The following STAM2 variants were observed in gnomAD, a reference collection of about 807,000 sequenced individuals.
STAM2 encodes signal transducing adaptor molecule 2.
STAM2 carries 51 observed loss-of-function variants against 65.6 expected under a neutral mutation model. The ratio of observed to expected loss-of-function variants is 0.78; its 90% confidence interval spans 0.62 to 0.98. STAM2 has a LOEUF of 0.98. STAM2 is among the 50% of genes least tolerant of loss of function. The pLI is 0.00. For missense variants in STAM2, 584 were observed against 617.8 expected (o/e 0.95, Z 0.58); for synonymous variants, 198 against 208.4 (o/e 0.95, Z 0.43).
intron 9 of STAM2, 34 bp from the exon 10 acceptor site, chr2:152,133,294 A>C: frequency 6.4e-7 from 1 of 1,559,228 alleles, no homozygotes; most frequent in Non-Finnish European, 8.8e-7. Flanking sequence ...TCAAAAACTC[A>C]AGAGTTTTAA....
intron 1 of STAM2, among the ~76,000 whole-genome samples, chr2:152,164,772 G>A (rs973661681): frequency 1.3e-5 from 2 of 152,158 alleles, no homozygotes; most frequent in African/African-American, 4.8e-5. Flanking sequence ...GGGGCGACTA[G>A]GAGGAGTTGA....
chr2:152,170,333 A>T (rs1689875702), intron 1 of STAM2, among the ~76,000 whole-genome samples: 1 of 151,870 alleles, frequency 6.6e-6, no homozygotes, highest in Admixed American at 6.6e-5. Context: ...ACAAAAAAAA[A>T]TTACCTGGGC....
chr2:152,133,080 TAG>T (rs1358039814), intron 10 of STAM2, 91 bp downstream of exon 10: 3 of 531,164 alleles, frequency 5.6e-6, no homozygotes, highest in Admixed American at 4.5e-5. Flanking sequence ...TTCTAACCTC[TAG>T]AGGCAAATAC....
intron 7 of STAM2, among the ~76,000 whole-genome samples, chr2:152,141,917 A>G (rs1231978571): frequency 1.3e-5 from 2 of 152,130 alleles, no homozygotes; most frequent in Non-Finnish European, 2.9e-5. Context: ...TGGAGATCCA[A>G]GAATGATATA....
chr2:152,167,285 T>C (rs1452264556), intron 1 of STAM2, among the ~76,000 whole-genome samples: 2 of 152,188 alleles, frequency 1.3e-5, no homozygotes, highest in African/African-American at 4.8e-5. Context: ...ACTGTAAATG[T>C]TCCACAAGGT....
At position 152,120,609 on chromosome 2, in the gene STAM2, G is replaced by C. The variant is rs760375468; in HGVS notation, c.1543C>G (p.Gln515Glu). ...VTVPAHPVAQQHTNYHQQPLL is the reference protein window; with the variant it reads ...VTVPAHPVAQEHTNYHQQPLL The stretch of plus-strand genomic sequence containing the variant: ...GGCTGCTGATGGTAATTTGTGTGCT[G>C]CTGTGCAACTGGATGAGCTGGAACT... The change falls in exon 14 of 14, where the codon CAG becomes GAG. Residue 515 changes from glutamine (Q) to glutamate (E), a missense_variant. By Grantham distance (29) the Gln-to-Glu change is conservative. Transcript: ENST00000263904. 3.5e-5 allele frequency: 56 copies of C among 1,613,972 alleles called. No homozygotes were observed. The highest frequency in any genetic ancestry group is 8.3e-5 in the Admixed American group (5 of 59,984).
intron 7 of STAM2, among the ~76,000 whole-genome samples, chr2:152,142,394 T>C (rs1471102182): frequency 6.6e-6 from 1 of 152,226 alleles, no homozygotes; most frequent in Non-Finnish European, 1.5e-5. Flanking sequence ...AACTTCATAG[T>C]TGTATAAGAG....
intron 5 of STAM2, among the ~76,000 whole-genome samples, chr2:152,146,456 C>T (rs947096247): frequency 2.6e-5 from 4 of 152,082 alleles, no homozygotes; most frequent in East Asian, 3.9e-4. Flanking sequence ...AACCAGCCCA[C>T]TCCATGAGTC....
Position 152,118,664 on chromosome 2 carries a change from A to G in STAM2, c.*1910T>C, listed in dbSNP as rs1688796378. On this transcript the variant is annotated 3_prime_UTR_variant, in exon 14 of 14. Coordinates refer to ENST00000263904, the MANE Select transcript of STAM2 (RefSeq NM_005843.6). ...AAAAAAAGTAAGAAATTCCATATAT[A>G]TGCAAATGTTGACTATTATCGAGAG... The G allele has an allele frequency of 6.6e-6, 1 of 151,746 alleles. No individual in the cohort carries two copies. The highest frequency in any genetic ancestry group is 1.5e-5 in the Non-Finnish European group (1 of 67,868). The allele number at this position is 151,746 out of a possible 1,614,324, so 9.4% of individuals were successfully genotyped here.
intron 2 of STAM2, 41 bp downstream of exon 2, chr2:152,150,104 C>A: frequency 7.4e-7 from 1 of 1,350,790 alleles, no homozygotes; most frequent in South Asian, 1.2e-5. Flanking sequence ...CACTGGTTAT[C>A]AAGTTCCTAG....
intron 1 of STAM2, among the ~76,000 whole-genome samples, chr2:152,160,574 C>G (rs1560222252): frequency 6.6e-6 from 1 of 151,714 alleles, no homozygotes. Context: ...CAGCCCCCGC[C>G]AGGCCAGCCG....
At chr2:152,137,709 CT>C (rs1689180773) in intron 7 of STAM2, among the ~76,000 whole-genome samples, 1 of 151,936 alleles carries the variant, frequency 6.6e-6, no homozygotes. Context: ...CTCCTATATA[CT>C]TAACTGTAGT....
chr2:152,163,011 A>G (rs1352190734), intron 1 of STAM2, among the ~76,000 whole-genome samples: 2 of 152,192 alleles, frequency 1.3e-5, no homozygotes, highest in Admixed American at 6.5e-5. Flanking sequence ...TAAGCAATAA[A>G]ATAGATTTCA....
intron 11 of STAM2, among the ~76,000 whole-genome samples, chr2:152,128,909 C>CT (rs1442323008): frequency 6.6e-6 from 1 of 151,954 alleles, no homozygotes; most frequent in Non-Finnish European, 1.5e-5. Flanking sequence ...ATGATCCATT[C>CT]AAGGGAAAAA....
intron 1 of STAM2, among the ~76,000 whole-genome samples, chr2:152,160,611 C>T (rs1689649394): frequency 6.7e-6 from 1 of 149,206 alleles, no homozygotes. Context: ...GGTGGGGGGT[C>T]AGCCCCACCC....
Position 152,175,585 on chromosome 2 carries a change from A to G in STAM2, c.40+18T>C. The G allele has an allele frequency of 1.2e-6, 2 of 1,613,722 alleles. No individual in the cohort carries two copies. The highest frequency in any genetic ancestry group is 2.2e-5 in the East Asian group (1 of 44,872). The stretch of plus-strand genomic sequence containing the variant: ...AGGGCCAGGCACACAGCAGTCCAGG[A>G]CCGGGCACAGCACTCACCCACGTCT... On this transcript the variant is annotated intron_variant, in intron 1 of 13. Coordinates refer to ENST00000263904, the MANE Select transcript of STAM2 (RefSeq NM_005843.6).
intron 1 of STAM2, among the ~76,000 whole-genome samples, chr2:152,152,526 G>A (rs1689464682): frequency 6.6e-6 from 1 of 151,474 alleles, no homozygotes; most frequent in East Asian, 1.9e-4. Context: ...TCTAGCCTGG[G>A]TGACAGAGTG....
rs1689638453 is a variant in STAM2, at chr2:152,160,266, T to C, written c.41-10037A>G. 6.5e-5 allele frequency among the ~76,000 whole-genome samples: 8 copies of C among 122,766 alleles called. No individual in the cohort carries two copies. In the South Asian group the frequency reaches 2.2e-3, roughly 34 times the overall value. The allele number at this position is 122,766 out of a possible 152,430, so 80.5% of individuals were successfully genotyped here. A position where few individuals can be genotyped will look rare whatever the true frequency, so the allele number is the denominator to read the frequency against. ...GAGGAGCGTCTCTGCCCGGCCGCCA[T>C]CCCATCTAGGAAGTGAGGAGCGCCT... On this transcript the variant is annotated intron_variant, in intron 1 of 13. Coordinates refer to ENST00000263904, the MANE Select transcript of STAM2 (RefSeq NM_005843.6).
intron 1 of STAM2, 105 bp downstream of exon 1, chr2:152,175,498 G>A (rs1029709301): frequency 2.0e-6 from 3 of 1,467,030 alleles, no homozygotes; most frequent in Admixed American, 1.8e-5. Context: ...CCCTCCCTTC[G>A]CTTTGCTTCC....
Sources: allele counts gnomAD v4.1 joint callset (sites outside exome capture counted in the v4.1 genomes callset), GRCh38; gene constraint gnomAD v4.1.1; transcripts MANE v1.5; gene names NCBI Gene and HGNC (gene_info 2026-07-23, HGNC 2026-07-21).